BTNL8: variants seen among roughly 807,000 people sequenced by gnomAD.
BTNL8 encodes the protein butyrophilin like 8.
BTNL8 carries 22 observed loss-of-function variants against 36.1 expected under a neutral mutation model. The observed-to-expected ratio is 0.61, with a 90% confidence interval of 0.44 to 0.87. BTNL8 has a LOEUF of 0.87. Among genes scored for constraint, BTNL8 ranks in the 40% least tolerant of loss-of-function variants. The pLI, the probability that BTNL8 is intolerant of heterozygous loss-of-function variation, is 0.00. For missense variants in BTNL8, 526 were observed against 616.9 expected (o/e 0.85, Z 1.56); for synonymous variants, 203 against 235.6 (o/e 0.86, Z 1.27).
intron 3 of BTNL8, among the ~76,000 whole-genome samples, chr5:180,926,383 C>G (rs1191662320): frequency 6.6e-6 from 1 of 152,162 alleles, no homozygotes; most frequent in Non-Finnish European, 1.5e-5. Flanking sequence ...GGGTTTTAAG[C>G]ACAAAACTGG....
At chr5:180,928,786 CA>C (rs1758227747) in intron 3 of BTNL8, among the ~76,000 whole-genome samples, 1 of 152,092 alleles carries the variant, frequency 6.6e-6, no homozygotes, top group Non-Finnish European at 1.5e-5. Context: ...TATATGCACC[CA>C]ATATAGAAGC....
intron 3 of BTNL8, among the ~76,000 whole-genome samples, chr5:180,915,922 A>T (rs1387800893): frequency 6.6e-6 from 1 of 152,246 alleles, no homozygotes; most frequent in Non-Finnish European, 1.5e-5. Context: ...ACATGCCCAC[A>T]GAGCATATAC....
chr5:180,944,247 G>T (rs1189504800), intron 3 of BTNL8, among the ~76,000 whole-genome samples: 1 of 152,154 alleles, frequency 6.6e-6, no homozygotes, highest in Admixed American at 6.5e-5. Flanking sequence ...AAAATGTTCT[G>T]GTGTCCTGTT....
intron 1 of BTNL8, among the ~76,000 whole-genome samples, chr5:180,906,869 G>A (rs1459884010): frequency 4.1e-5 from 4 of 97,082 alleles, no homozygotes; most frequent in Non-Finnish European, 7.7e-5. Context: ...CTTCTGGCTT[G>A]TAGGGTTTCT....
At chr5:180,927,890 A>C (rs539956346) in intron 3 of BTNL8, among the ~76,000 whole-genome samples, 1 of 152,328 alleles carries the variant, frequency 6.6e-6, no homozygotes, top group Admixed American at 6.5e-5. Context: ...GGAGAATGGA[A>C]CCAAGTTGGA....
intron 1 of BTNL8, among the ~76,000 whole-genome samples, chr5:180,902,833 G>C (rs1756894169): frequency 7.2e-6 from 1 of 138,830 alleles, no homozygotes; most frequent in African/African-American, 3.0e-5. Context: ...TTTCATCCAT[G>C]TCCCTACAAA....
intron 3 of BTNL8, among the ~76,000 whole-genome samples, chr5:180,926,594 A>G (rs1227845270): frequency 6.6e-6 from 1 of 152,238 alleles, no homozygotes; most frequent in Non-Finnish European, 1.5e-5. Context: ...CACTGGCAGC[A>G]GAGCAGTCTG....
chr5:180,918,563 A>G (rs1757743427), intron 3 of BTNL8, among the ~76,000 whole-genome samples: 1 of 152,208 alleles, frequency 6.6e-6, no homozygotes, highest in Admixed American at 6.5e-5. Flanking sequence ...TCTATAAAAC[A>G]TTTAAAGAGG....
In BTNL8 at chr5:180,908,710, C is replaced by T; in HGVS notation, c.174C>T (p.Gly58=). 1.2e-6 allele frequency: 2 copies of T among 1,614,190 alleles called. No homozygotes were observed. The highest frequency in any genetic ancestry group is 1.7e-6 in the Non-Finnish European group (2 of 1,180,038). The part of the protein sequence containing the change: ...AEAMEVRFFR[G]QFSSVVHLYR... Reference sequence around the variant, plus strand: ...CCATGGAAGTGCGGTTCTTCAGGGGCCAGTTCTCTAGCGTGGTCCACCTCT... The same window carrying T: ...CCATGGAAGTGCGGTTCTTCAGGGGTCAGTTCTCTAGCGTGGTCCACCTCT... Residue 58 remains glycine, a synonymous_variant, in exon 2 of 8, where the codon GGC becomes GGT. Transcript: ENST00000340184.
intron 3 of BTNL8, among the ~76,000 whole-genome samples, chr5:180,939,658 C>A (rs1195507489): frequency 6.6e-6 from 1 of 151,956 alleles, no homozygotes; most frequent in Admixed American, 6.6e-5. Flanking sequence ...GCTTCAACAC[C>A]CCACACTCAC....
intron 3 of BTNL8, among the ~76,000 whole-genome samples, chr5:180,918,874 G>C (rs567333408): frequency 6.6e-6 from 1 of 152,140 alleles, no homozygotes; most frequent in Non-Finnish European, 1.5e-5. Flanking sequence ...TTAGGATAGG[G>C]GGTTGTGGAG....
In BTNL8 at chr5:180,950,381, C is replaced by T. The variant is rs746196868; in HGVS notation, c.1340C>T (p.Pro447Leu). The T allele has an allele frequency of 2.5e-5, 36 of 1,462,612 alleles. 9 individuals carry two copies. The highest frequency in any genetic ancestry group is 6.9e-5 in the African/African-American group (5 of 72,238). 90.6% of individuals were successfully genotyped at this position (1,462,612 alleles called of 1,614,324 possible). A position where few individuals can be genotyped will look rare whatever the true frequency, so the allele number is the denominator to read the frequency against. ...EGLLRPYIEY[P>L]SYNEQNGTPI... ...TTATTGAGGCCCTACATTGAGTATC[C>T]GTCCTATAATGAGCAAAATGGAACT... Residue 447 changes from proline (P) to leucine (L), a missense_variant, in exon 8 of 8, where the codon CCG becomes CTG. By Grantham distance (98) the Pro-to-Leu change is moderately conservative (BLOSUM62 -3). This residue lies in a region of BTNL8 where 176 missense variants were observed against 292.3 expected (regional missense o/e 0.60). Coordinates refer to ENST00000340184, the MANE Select transcript of BTNL8 (RefSeq NM_001040462.3).
At position 180,908,815 on chromosome 5, in the gene BTNL8, G is replaced by A. The variant is rs17141274; in HGVS notation, c.279G>A (p.Ala93=). Residue 93 remains alanine, a synonymous_variant, in exon 2 of 8, where the codon GCG becomes GCA. Transcript: ENST00000340184. Reference sequence around the variant, plus strand: ...CAAAACTGGTGAAGGATTCTATTGCGGAGGGGCGCATCTCTCTGAGGCTGG... The same window carrying A: ...CAAAACTGGTGAAGGATTCTATTGCAGAGGGGCGCATCTCTCTGAGGCTGG... ...GRTKLVKDSI[A]EGRISLRLEN... 4.7e-4 allele frequency: 757 copies of A among 1,614,146 alleles called. 3 individuals are homozygous for A. The African/African-American group carries it at 8.6e-3, about 18-fold the overall frequency.
intron 3 of BTNL8, among the ~76,000 whole-genome samples, chr5:180,917,956 G>A (rs911051780): frequency 3.3e-5 from 5 of 151,282 alleles, no homozygotes; most frequent in Admixed American, 3.3e-4. Context: ...GTGAACCCGG[G>A]AGGTGGAGCT....
Position 180,927,100 on chromosome 5 carries a change from C to A in BTNL8, c.673+15486C>A, listed in dbSNP as rs560971888. Among the ~76,000 whole-genome samples the A allele has an allele frequency of 1.3e-4, 20 of 152,226 alleles. No homozygotes were observed. In the South Asian group the frequency reaches 3.7e-3, roughly 28 times the overall value. On this transcript the variant is annotated intron_variant, in intron 3 of 7. Transcript: ENST00000340184. ...CCGGCTGGCATATGGTGGATGCCCC[C>A]CTGGGACGAACCTTACAGAGGAAGG...
Position 180,908,800 on chromosome 5 carries a change from G to A in BTNL8, c.264G>A (p.Val88=), listed in dbSNP as rs1390411236. ...AGTATCAAGGCAGGACAAAACTGGT[G>A]AAGGATTCTATTGCGGAGGGGCGCA... is the stretch of plus-strand genomic sequence containing the variant. ...MPQYQGRTKL[V]KDSIAEGRIS... Residue 88 remains valine (V), a synonymous_variant, in exon 2 of 8, where the codon GTG becomes GTA. Coordinates refer to ENST00000340184, the MANE Select transcript of BTNL8 (RefSeq NM_001040462.3). The A allele has an allele frequency of 3.1e-6, 5 of 1,614,074 alleles. No individual in the cohort carries two copies. Among genetic ancestry groups the A allele is most frequent in the South Asian group, 1.1e-5 (1 of 91,086 alleles).
At chr5:180,915,369 C>G (rs1223228233) in intron 3 of BTNL8, among the ~76,000 whole-genome samples, 1 of 152,210 alleles carries the variant, frequency 6.6e-6, no homozygotes, top group Non-Finnish European at 1.5e-5. Flanking sequence ...CTTGACTCTG[C>G]TGGATTGAGA....
Position 180,950,473 on chromosome 5 carries a change from A to G in BTNL8, c.1432A>G (p.Ile478Val), listed in dbSNP as rs1759504512. The change falls in exon 8 of 8, where the codon ATC becomes GTC. Residue 478 changes from isoleucine to valine, a missense_variant. This residue lies in a region of BTNL8 where 176 missense variants were observed against 292.3 expected (regional missense o/e 0.60). Coordinates refer to ENST00000340184, the MANE Select transcript of BTNL8 (RefSeq NM_001040462.3). ...KEASWQRASA[I>V]PETSNSESSS... ...GGCCTCTTGGCAAAGGGCCTCTGCAATCCCAGAGACAAGCAACAGTGAGTC... is the reference window on the plus strand; with the variant it reads ...GGCCTCTTGGCAAAGGGCCTCTGCAGTCCCAGAGACAAGCAACAGTGAGTC... The G allele has an allele frequency of 6.8e-7, 1 of 1,463,820 alleles. No homozygotes were observed. The highest frequency in any genetic ancestry group is 9.4e-7 in the Non-Finnish European group (1 of 1,059,198). The allele number at this position is 1,463,820 out of a possible 1,614,324, so 90.7% of individuals were successfully genotyped here. A position where few individuals can be genotyped will look rare whatever the true frequency, so the allele number is the denominator to read the frequency against.
intron 1 of BTNL8, among the ~76,000 whole-genome samples, chr5:180,901,038 A>C (rs1756802489): frequency 6.6e-6 from 1 of 152,148 alleles, no homozygotes; most frequent in South Asian, 2.1e-4. Flanking sequence ...TGCCCATCCC[A>C]CTGCAGGGGG....
Sources: allele counts gnomAD v4.1 joint callset (sites outside exome capture counted in the v4.1 genomes callset), GRCh38; gene constraint gnomAD v4.1.1; regional missense constraint gnomAD v4.1.1; transcripts MANE v1.5; gene names NCBI Gene and HGNC (gene_info 2026-07-23, HGNC 2026-07-21).